PRKG1: variants seen among roughly 807,000 people sequenced by gnomAD.
PRKG1 encodes the protein cGMP-dependent protein kinase 1.
In PRKG1, 35 loss-of-function variants were observed where a neutral mutation model predicts 88.1. That is an observed-to-expected ratio of 0.40 (90% CI 0.30 to 0.53). The LOEUF is 0.53. Among genes scored for constraint, PRKG1 ranks in the 20% least tolerant of loss-of-function variants. PRKG1 has a pLI of 0.59. For synonymous variants in PRKG1, 303 were observed against 292.5 expected, an observed-to-expected ratio of 1.04 and a Z score of -0.37; for missense variants, 540 against 839.8, an observed-to-expected ratio of 0.64 and a Z score of 4.41.
chr10:51,904,211 G>T (rs188728468), intron 4 of PRKG1, among the ~76,000 whole-genome samples: 9 of 152,144 alleles, frequency 5.9e-5, no homozygotes, highest in African/African-American at 2.2e-4. Context: ...CTCATAATTA[G>T]CATGTAAATT....
At chr10:52,036,611 T>G (rs1399039602) in intron 5 of PRKG1, among the ~76,000 whole-genome samples, 4 of 151,612 alleles carry the variant, frequency 2.6e-5, no homozygotes, top group East Asian at 3.9e-4. Context: ...TACTTGTGGG[T>G]TAAGGTGGGG....
chr10:51,575,028 T>C (rs1313018707), intron 3 of PRKG1, among the ~76,000 whole-genome samples: 1 of 151,972 alleles, frequency 6.6e-6, no homozygotes, highest in Non-Finnish European at 1.5e-5. Flanking sequence ...GGTTGTACTT[T>C]GTCTTGATAC....
At chr10:51,594,627 T>C (rs1381996107) in intron 3 of PRKG1, among the ~76,000 whole-genome samples, 1 of 152,242 alleles carries the variant, frequency 6.6e-6, no homozygotes, top group Non-Finnish European at 1.5e-5. Flanking sequence ...ATATGTTTCC[T>C]CAAATTTCAC....
At chr10:52,287,565 C>T (rs1361445392) in intron 14 of PRKG1, among the ~76,000 whole-genome samples, 2 of 151,948 alleles carry the variant, frequency 1.3e-5, no homozygotes, top group Non-Finnish European at 1.5e-5. Context: ...TAATTAATTT[C>T]CAAAGAAATC....
At chr10:51,673,228 A>G (rs537761349) in intron 3 of PRKG1, among the ~76,000 whole-genome samples, 2 of 152,332 alleles carry the variant, frequency 1.3e-5, no homozygotes, top group Admixed American at 1.3e-4. Context: ...CAACAAATAA[A>G]ATATGAAAGG....
chr10:51,476,246 A>G (rs1400322968), intron 3 of PRKG1, among the ~76,000 whole-genome samples: 1 of 152,040 alleles, frequency 6.6e-6, no homozygotes, highest in Non-Finnish European at 1.5e-5. Flanking sequence ...TGAAGGATAC[A>G]GGCAAGGACG....
chr10:51,504,531 G>A (rs1328363144), intron 3 of PRKG1, among the ~76,000 whole-genome samples: 3 of 152,100 alleles, frequency 2.0e-5, no homozygotes, highest in African/African-American at 7.2e-5. Context: ...GCTTGATGGG[G>A]ATGGCATTGA....
intron 4 of PRKG1, among the ~76,000 whole-genome samples, chr10:51,815,855 C>A (rs1001890202): frequency 2.6e-5 from 4 of 152,156 alleles, no homozygotes; most frequent in African/African-American, 9.7e-5. Context: ...GCAGGGAAAG[C>A]AGCCCCTGGA....
At chr10:51,369,950 G>A (rs1842667044) in intron 2 of PRKG1, among the ~76,000 whole-genome samples, 1 of 152,152 alleles carries the variant, frequency 6.6e-6, no homozygotes, top group Non-Finnish European at 1.5e-5. Context: ...TGAGTTTATT[G>A]TTTACTTTTT....
rs147693252 is a variant in PRKG1, at chr10:52,212,606, G to T, written c.1077-38964G>T. On this transcript the variant is annotated intron_variant, in intron 9 of 17. Transcript: ENST00000373980. Reference sequence around the variant, plus strand: ...ATCCATATGGCTGTTGGGGGGAGAGGGGTGGTGTAGGGGAGAGAGAGAGAG... The same window carrying T: ...ATCCATATGGCTGTTGGGGGGAGAGTGGTGGTGTAGGGGAGAGAGAGAGAG... 1.7e-3 allele frequency among the ~76,000 whole-genome samples: 262 copies of T among 151,226 alleles called. 1 individual carries two copies. Among genetic ancestry groups the T allele is most frequent in the African/African-American group, 5.6e-3 (232 of 41,110 alleles).
rs768491086 is a variant in PRKG1, at chr10:52,133,862, G to A, written c.958G>A (p.Val320Ile). Residue 320 changes from valine to isoleucine, a missense_variant, in exon 8 of 18, where the codon GTA becomes ATA. Physicochemically the swap from Val to Ile is conservative, Grantham distance 29 (BLOSUM62 3). This residue lies in a region of PRKG1 where 400 missense variants were observed against 562.7 expected (regional missense o/e 0.71). Coordinates refer to ENST00000373980, the MANE Select transcript of PRKG1 (RefSeq NM_006258.4). ...TAGGGAAGATGTGAGAACAGCAAAC[G>A]TAATTGCTGCAGAAGCTGTAACCTG... Reference protein sequence around the residue: ...LQGEDVRTANVIAAEAVTCLV... With the variant: ...LQGEDVRTANIIAAEAVTCLV... 10 of 1,613,074 alleles carry A rather than the reference G, an allele frequency of 6.2e-6. No individual in the cohort carries two copies. The highest frequency in any genetic ancestry group is 1.3e-5 in the African/African-American group (1 of 75,000).
At chr10:51,136,006 T>C (rs1000143672) in intron 1 of PRKG1, among the ~76,000 whole-genome samples, 3 of 149,906 alleles carry the variant, frequency 2.0e-5, no homozygotes, top group African/African-American at 4.9e-5. Flanking sequence ...TTAGGAGATA[T>C]ACCTAATGCT....
At chr10:51,142,565 T>C (rs910936746) in intron 1 of PRKG1, among the ~76,000 whole-genome samples, 8 of 151,974 alleles carry the variant, frequency 5.3e-5, no homozygotes, top group African/African-American at 1.2e-4. Flanking sequence ...AATGAATGAA[T>C]ATGAATGTGT....
At chr10:51,839,547 A>T (rs763773209) in intron 4 of PRKG1, among the ~76,000 whole-genome samples, 2 of 152,206 alleles carry the variant, frequency 1.3e-5, no homozygotes, top group African/African-American at 4.8e-5. Flanking sequence ...TTTTTGAAAG[A>T]CCACTTATCT....
chr10:51,871,722 T>G (rs1375489656), intron 4 of PRKG1, among the ~76,000 whole-genome samples: 1 of 152,160 alleles, frequency 6.6e-6, no homozygotes, highest in Admixed American at 6.5e-5. Context: ...TTACCTGACT[T>G]GACTTCCCCC....
At chr10:51,769,275 C>T (rs1394175084) in intron 3 of PRKG1, among the ~76,000 whole-genome samples, 1 of 152,156 alleles carries the variant, frequency 6.6e-6, no homozygotes, top group Non-Finnish European at 1.5e-5. Flanking sequence ...AGAATTACTG[C>T]ATTAGAGACA....
At chr10:51,187,723 G>A (rs543070434) in intron 2 of PRKG1, among the ~76,000 whole-genome samples, 2 of 151,978 alleles carry the variant, frequency 1.3e-5, no homozygotes, top group African/African-American at 4.8e-5. Context: ...ACAGACATTT[G>A]TTGTTTCTCA....
At chr10:51,325,181 C>G (rs1356511232) in intron 2 of PRKG1, among the ~76,000 whole-genome samples, 2 of 152,004 alleles carry the variant, frequency 1.3e-5, no homozygotes, top group African/African-American at 2.4e-5. Context: ...GCTCTTTTTT[C>G]CAGAAATATC....
At chr10:51,911,895 G>C (rs1038982028) in intron 5 of PRKG1, among the ~76,000 whole-genome samples, 1 of 152,196 alleles carries the variant, frequency 6.6e-6, no homozygotes, top group Non-Finnish European at 1.5e-5. Flanking sequence ...CAACAAAGAA[G>C]TTTATAGCTT....
Sources: allele counts gnomAD v4.1 joint callset (sites outside exome capture counted in the v4.1 genomes callset), GRCh38; gene constraint gnomAD v4.1.1; regional missense constraint gnomAD v4.1.1; transcripts MANE v1.5; gene names NCBI Gene and HGNC (gene_info 2026-07-23, HGNC 2026-07-21).